RBFOX1: variants seen among roughly 807,000 people sequenced by gnomAD.
The protein encoded by RBFOX1 is RNA binding fox-1 homolog 1.
In RBFOX1, 8 loss-of-function variants were observed where a neutral mutation model predicts 57.7. The ratio of observed to expected loss-of-function variants is 0.14; its 90% CI spans 0.08 to 0.25. RBFOX1 has a LOEUF of 0.25. RBFOX1 is among the 10% of genes least tolerant of loss of function. The pLI, the probability that RBFOX1 is intolerant of heterozygous loss-of-function variation, is 1.00. For synonymous variants in RBFOX1, 326 were observed against 222.4 expected, an observed-to-expected ratio of 1.47 and a Z score of -4.15; for missense variants, 611 against 548.5, an observed-to-expected ratio of 1.11 and a Z score of -1.14.
At chr16:6,899,566 C>G (rs370829826) in intron 3 of RBFOX1, among the ~76,000 whole-genome samples, 7 of 152,210 alleles carry the variant, frequency 4.6e-5, no homozygotes, top group African/African-American at 1.4e-4. Flanking sequence ...AACTCCATCT[C>G]TCACCATCTG....
At chr16:7,405,410 T>A (rs931686351) in intron 4 of RBFOX1, among the ~76,000 whole-genome samples, 1 of 152,168 alleles carries the variant, frequency 6.6e-6, no homozygotes, top group Non-Finnish European at 1.5e-5. Context: ...CACCAGGTGT[T>A]GCCAGAGAAC....
At position 6,097,494 on chromosome 16, in the gene RBFOX1, A is replaced by G. The variant is rs115299060; in HGVS notation, c.-127+77502A>G. Among the ~76,000 whole-genome samples the G allele has an allele frequency of 1.6e-3, 247 of 152,310 alleles. No individual in the cohort carries two copies. The highest frequency in any genetic ancestry group is 5.6e-3 in the African/African-American group (233 of 41,574). Reference sequence around the variant, plus strand: ...CTACAGAAGCAGAATCTCTGGTGGCAGGAACCAGCAATCTGTGCTTTCAAC... The same window carrying G: ...CTACAGAAGCAGAATCTCTGGTGGCGGGAACCAGCAATCTGTGCTTTCAAC... On this transcript the variant is annotated intron_variant, in intron 1 of 15. Coordinates refer to ENST00000550418, the MANE Select transcript of RBFOX1 (RefSeq NM_018723.4). The surrounding 1 kb of genome is among the most constrained non-coding windows in gnomAD (Gnocchi z 5.0).
At chr16:6,748,929 A>G (rs2074350159) in intron 3 of RBFOX1, 1 of 152,192 alleles carries the variant, frequency 6.6e-6, no homozygotes, top group Non-Finnish European at 1.5e-5. Context: ...TTCTTTCAGA[A>G]TTTGTCTAGC....
intron 1 of RBFOX1, among the ~76,000 whole-genome samples, chr16:6,242,020 A>C (rs1047654205): frequency 3.3e-5 from 5 of 152,216 alleles, no homozygotes; most frequent in African/African-American, 7.2e-5. Context: ...GTAGTTAAAA[A>C]AATAAGAATT....
rs1463128036 is a variant in RBFOX1 at position 6,487,684 on chromosome 16, AAAAAAAAAAAAAAAAAATATATAT to A, written c.-63-166917_-63-166894del. Among the ~76,000 whole-genome samples the A allele has an allele frequency of 4.5e-3, 87 of 19,226 alleles. 2 individuals carry two copies. The highest frequency in any genetic ancestry group is 6.7e-3 in the Non-Finnish European group (72 of 10,780). 12.6% of individuals were successfully genotyped at this position (19,226 alleles called of 152,430 possible). ...GGCAGTGATATATGTAAAAAAAAAA[AAAAAAAAAAAAAAAAAATATATAT>A]ATATATATATATATATATATATATA... On this transcript the variant is annotated intron_variant, in intron 2 of 15. Coordinates refer to ENST00000550418, the MANE Select transcript of RBFOX1 (RefSeq NM_018723.4).
At chr16:6,013,820 G>C (rs116996584) in intron 4 of RBFOX1, among the ~76,000 whole-genome samples, 12,458 of 152,054 alleles carry the variant, frequency 0.082, 600 homozygotes, top group African/African-American at 0.13. Context: ...GTGCCGCATG[G>C]ATGAAGCTGG....
chr16:6,415,242 CA>C (rs57296761), intron 2 of RBFOX1, among the ~76,000 whole-genome samples: 1,196 of 102,026 alleles, frequency 0.012, 8 homozygotes, highest in African/African-American at 0.026. Context: ...AACTCTGTCA[CA>C]AAAAAAAAAA....
chr16:6,506,704 G>T (rs548630064), intron 2 of RBFOX1, among the ~76,000 whole-genome samples: 2 of 122,716 alleles, frequency 1.6e-5, no homozygotes, highest in Non-Finnish European at 3.1e-5. Flanking sequence ...CTGGAGTACA[G>T]TGGCTTCATC....
At chr16:6,943,865 C>T (rs1396725219) in intron 3 of RBFOX1, among the ~76,000 whole-genome samples, 1 of 152,094 alleles carries the variant, frequency 6.6e-6, no homozygotes, top group Admixed American at 6.6e-5. Context: ...TTTTTCTGTA[C>T]CTCACTGCTG....
chr16:7,542,812 G>A (rs1173138724), intron 5 of RBFOX1, among the ~76,000 whole-genome samples: 2 of 146,866 alleles, frequency 1.4e-5, no homozygotes, highest in African/African-American at 2.5e-5. Flanking sequence ...ACTGTCTGAG[G>A]AAAAAAAAAA....
chr16:5,612,526 A>T (rs2047862201), intron 3 of RBFOX1, among the ~76,000 whole-genome samples: 1 of 152,260 alleles, frequency 6.6e-6, no homozygotes. Context: ...TTCACAAGGT[A>T]GATAATGGCT....
At chr16:6,377,559 A>G (rs1445075699) in intron 2 of RBFOX1, among the ~76,000 whole-genome samples, 1 of 152,150 alleles carries the variant, frequency 6.6e-6, no homozygotes, top group African/African-American at 2.4e-5. Flanking sequence ...AGAATCAAGA[A>G]CAACATGCAC....
intron 4 of RBFOX1, among the ~76,000 whole-genome samples, chr16:7,438,003 G>C (rs1339577789): frequency 6.6e-6 from 1 of 152,084 alleles, no homozygotes; most frequent in Admixed American, 6.5e-5. Context: ...AAGTCCACGT[G>C]GAATAATCCC....
intron 3 of RBFOX1, among the ~76,000 whole-genome samples, chr16:6,758,317 C>G (rs1258406056): frequency 6.6e-6 from 1 of 151,976 alleles, no homozygotes; most frequent in Admixed American, 6.6e-5. Flanking sequence ...AAATTTTCCC[C>G]CAAGCATATG....
intron 4 of RBFOX1, among the ~76,000 whole-genome samples, chr16:5,880,056 T>C (rs896728277): frequency 7.2e-5 from 11 of 152,198 alleles, no homozygotes; most frequent in African/African-American, 2.7e-4. Context: ...CCCGTGACAG[T>C]GATCACAGCA....
intron 1 of RBFOX1, among the ~76,000 whole-genome samples, chr16:5,332,290 G>A (rs2064777319): frequency 1.3e-5 from 2 of 150,206 alleles, no homozygotes; most frequent in African/African-American, 2.5e-5. Flanking sequence ...TATGTTTTGA[G>A]ACAGTCTCCC....
intron 3 of RBFOX1, among the ~76,000 whole-genome samples, chr16:6,758,677 C>A (rs1424879659): frequency 6.6e-6 from 1 of 152,136 alleles, no homozygotes; most frequent in Non-Finnish European, 1.5e-5. Context: ...GACACACCAC[C>A]AATTTAGTAA....
At chr16:5,650,522 C>A (rs1166068850) in intron 3 of RBFOX1, among the ~76,000 whole-genome samples, 1 of 152,158 alleles carries the variant, frequency 6.6e-6, no homozygotes, top group East Asian at 1.9e-4. Flanking sequence ...ATAGGAAAAT[C>A]AATTCATTCT....
At chr16:6,295,013 C>T (rs539799258) in intron 1 of RBFOX1, among the ~76,000 whole-genome samples, 102 of 151,690 alleles carry the variant, frequency 6.7e-4, no homozygotes, top group African/African-American at 2.4e-3. Context: ...TTGTTTTCAC[C>T]GTGACCATGC....
Sources: gnomAD v4.1 joint callset for allele counts (sites outside exome capture counted in the v4.1 genomes callset) on GRCh38, gnomAD v4.1.1 for gene constraint, Gnocchi (gnomAD v3.1) non-coding constraint, MANE v1.5 for transcripts, NCBI Gene and HGNC (gene_info 2026-07-23, HGNC 2026-07-21) for gene names.